The following SLC7A8 variants were observed in gnomAD, a reference collection of about 807,000 sequenced individuals.
SLC7A8 encodes large neutral amino acids transporter small subunit 2.
In SLC7A8, 30 loss-of-function variants were observed where a neutral mutation model predicts 51.2. The observed-to-expected ratio is 0.59, with a 90% CI of 0.44 to 0.80. SLC7A8 has a LOEUF of 0.80. Ranked by LOEUF, SLC7A8 falls within the 30% of genes least tolerant of loss-of-function variation. The pLI is 0.00. For synonymous variants in SLC7A8, 257 were observed against 275.8 expected (o/e 0.93, Z 0.67); for missense variants, 612 against 674.4 (o/e 0.91, Z 1.03).
chr14:23,167,200 G>A (rs1300506285), intron 1 of SLC7A8, among the ~76,000 whole-genome samples: 1 of 152,138 alleles, frequency 6.6e-6, no homozygotes, highest in Non-Finnish European at 1.5e-5. Context: ...CAGTCCTAGT[G>A]GTTTAGAAGT....
chr14:23,131,520 T>C lies in SLC7A8; in HGVS notation c.1054A>G (p.Ser352Gly). The change falls in exon 8 of 11, where the codon AGT becomes GGT. Residue 352 changes from serine to glycine, a missense_variant. By Grantham distance (56) the Ser-to-Gly change is moderately conservative (BLOSUM62 0). Coordinates refer to ENST00000316902, the MANE Select transcript of SLC7A8 (RefSeq NM_012244.4). ...TTCACGTGGATCATGGCCAACACAC[T>C]GGGAAGGTGGCCCTCTCGGGCTCCA... ...FAGAREGHLPSVLAMIHVKRC... is the reference protein window; with the variant it reads ...FAGAREGHLPGVLAMIHVKRC... 2 of 1,608,106 alleles carry C rather than the reference T, an allele frequency of 1.2e-6. No individual in the cohort carries two copies. Among genetic ancestry groups the C allele is most frequent in the South Asian group, 1.1e-5 (1 of 90,282 alleles).
At chr14:23,131,889 T>C (rs1254203336) in intron 7 of SLC7A8, among the ~76,000 whole-genome samples, 1 of 152,220 alleles carries the variant, frequency 6.6e-6, no homozygotes, top group Non-Finnish European at 1.5e-5. Flanking sequence ...AGCCTCTGTC[T>C]GTTGCCTAAA....
At chr14:23,135,473 C>T (rs948664421) in intron 7 of SLC7A8, among the ~76,000 whole-genome samples, 3 of 150,574 alleles carry the variant, frequency 2.0e-5, no homozygotes, top group East Asian at 2.0e-4. Context: ...GAGGCTGAGG[C>T]GGGCGGATCA....
In SLC7A8 at chr14:23,143,276, A is replaced by G. The variant is rs1006235163; in HGVS notation, c.509-72T>C. ...TGCATGATGCCCAAGGCACACAAGC[A>G]GAACTGCTCCCTCATCCTGACGATG... On this transcript the variant is annotated intron_variant, in intron 3 of 10. Coordinates refer to ENST00000316902, the MANE Select transcript of SLC7A8 (RefSeq NM_012244.4). The G allele has an allele frequency of 6.3e-6, 10 of 1,591,120 alleles. No homozygotes were observed. In the Admixed American group the frequency reaches 1.7e-4, roughly 27 times the overall value.
At chr14:23,154,425 G>C in intron 3 of SLC7A8, 1 of 991,236 alleles carries the variant, frequency 1.0e-6, no homozygotes, top group South Asian at 4.7e-5. Flanking sequence ...GGGAAGCCGG[G>C]CCTGTGGGGG....
chr14:23,129,846 G>A (rs1566354498), intron 8 of SLC7A8, 47 bp from the exon 9 acceptor site: 1 of 1,606,628 alleles, frequency 6.2e-7, no homozygotes, highest in Non-Finnish European at 8.5e-7. Flanking sequence ...GATATTCAGA[G>A]ACTGGTATTA....
In SLC7A8 at chr14:23,136,180, C is replaced by T. The variant is rs8023105; in HGVS notation, c.1016+1741G>A. 8.5e-3 allele frequency among the ~76,000 whole-genome samples: 1,294 copies of T among 152,198 alleles called. 24 individuals are homozygous for T. The highest frequency in any genetic ancestry group is 0.03 in the African/African-American group (1,236 of 41,526). Reference sequence around the variant, plus strand: ...CAGAAGTGTGGGAGCTGACTGTATCCCCAAGTACCCATAAGCAGTAACCAT... The same window carrying T: ...CAGAAGTGTGGGAGCTGACTGTATCTCCAAGTACCCATAAGCAGTAACCAT... On this transcript the variant is annotated intron_variant, in intron 7 of 10. Coordinates refer to ENST00000316902, the MANE Select transcript of SLC7A8 (RefSeq NM_012244.4).
intron 1 of SLC7A8, among the ~76,000 whole-genome samples, chr14:23,171,968 T>C (rs1314787880): frequency 6.6e-6 from 1 of 152,210 alleles, no homozygotes; most frequent in African/African-American, 2.4e-5. Context: ...GGATTTCTTA[T>C]TGAAAGCATG....
rs2048582170 is a variant in SLC7A8 at position 23,126,914 on chromosome 14, ATCTCCCC to A, written c.*256_*262del. 5.9e-6 allele frequency: 3 copies of A among 510,166 alleles called. No homozygotes were observed. Among genetic ancestry groups the A allele is most frequent in the Non-Finnish European group, 1.1e-5 (3 of 283,982 alleles). The allele number at this position is 510,166 out of a possible 1,614,324, so 31.6% of individuals were successfully genotyped here. ...GGGAGGTCCTGCAGGGCACCTTGGC[ATCTCCCC>A]TCTCCTCCAGCAGCTGGGAGTGTGG... On this transcript the variant is annotated 3_prime_UTR_variant, in exon 11 of 11. Coordinates refer to ENST00000316902, the MANE Select transcript of SLC7A8 (RefSeq NM_012244.4).
At chr14:23,179,827 A>G (rs1252136278) in intron 1 of SLC7A8, among the ~76,000 whole-genome samples, 1 of 152,128 alleles carries the variant, frequency 6.6e-6, no homozygotes. Flanking sequence ...AAAGAAAGAA[A>G]GAAAGAAAGA....
chr14:23,182,743 G>C (rs1877236607), intron 1 of SLC7A8, 21 bp downstream of exon 1: 1 of 1,525,232 alleles, frequency 6.6e-7, no homozygotes, highest in Non-Finnish European at 8.8e-7. Flanking sequence ...GGAGGGGTCC[G>C]CGGGAAGGAA....
Position 23,166,460 on chromosome 14 carries a change from C to A in SLC7A8, c.232G>T (p.Val78Phe). 3 of 1,614,174 alleles carry A rather than the reference C, an allele frequency of 1.9e-6. No homozygotes were observed. Among genetic ancestry groups the A allele is most frequent in the Non-Finnish European group, 2.5e-6 (3 of 1,180,038 alleles). The change falls in exon 2 of 11, where the codon GTC (valine) becomes TTC (phenylalanine). Residue 78 changes from valine to phenylalanine, a missense_variant. Transcript: ENST00000316902. Reference sequence around the variant, plus strand: ...GTGATGAAGCCCGTCACAATCCAGACGATGAGAGCAAGGCCCACAGAACCA... The same window carrying A: ...GTGATGAAGCCCGTCACAATCCAGAAGATGAGAGCAAGGCCCACAGAACCA... ...NAGSVGLALI[V>F]WIVTGFITVV...
chr14:23,159,349 T>C (rs761095559), intron 3 of SLC7A8, among the ~76,000 whole-genome samples: 1 of 152,258 alleles, frequency 6.6e-6, no homozygotes, highest in Non-Finnish European at 1.5e-5. Context: ...TCAATACATT[T>C]AGATTTTAAA....
At chr14:23,164,953 C>T (rs1338132200) in intron 3 of SLC7A8, among the ~76,000 whole-genome samples, 1 of 151,512 alleles carries the variant, frequency 6.6e-6, no homozygotes, top group African/African-American at 2.4e-5. Flanking sequence ...GATCACGCCA[C>T]TGCACTCCAG....
chr14:23,155,656 C>T (rs1408185332), intron 3 of SLC7A8, among the ~76,000 whole-genome samples: 2 of 152,052 alleles, frequency 1.3e-5, no homozygotes, highest in African/African-American at 4.8e-5. Flanking sequence ...CTACTCATTA[C>T]TTTTTCAGCC....
Position 23,155,076 on chromosome 14 carries a change from A to G in SLC7A8, c.508+10209T>C, listed in dbSNP as rs2048881624. 6 of 1,159,810 alleles carry G rather than the reference A, an allele frequency of 5.2e-6. No individual in the cohort carries two copies. The South Asian group carries it at 6.9e-5, about 13-fold the overall frequency. 71.8% of individuals were successfully genotyped at this position (1,159,810 alleles called of 1,614,324 possible). On this transcript the variant is annotated intron_variant, in intron 3 of 10. Coordinates refer to ENST00000316902, the MANE Select transcript of SLC7A8 (RefSeq NM_012244.4). ...TGATCCCAGCTTCTATAAAGTGCACAGTGGGGAGTGTGGTTTTGAAACAGA... is the reference window on the plus strand; with the variant it reads ...TGATCCCAGCTTCTATAAAGTGCACGGTGGGGAGTGTGGTTTTGAAACAGA...
rs60162914 is a variant in SLC7A8, at chr14:23,183,137, TAAAAAAAAAAA to T, written c.-234_-224del. The T allele has an allele frequency of 8.8e-5, 8 of 91,090 alleles. No individual in the cohort carries two copies. Among genetic ancestry groups the T allele is most frequent in the Admixed American group, 5.1e-4 (4 of 7,898 alleles). 5.6% of individuals were successfully genotyped at this position (91,090 alleles called of 1,614,324 possible). A position where few individuals can be genotyped will look rare whatever the true frequency, so the allele number is the denominator to read the frequency against. ...CGTTTACAAACAAGAAAAGTGTTGCTAAAAAAAAAAAAAAAAAAAAAGGCCAGGGGAGACAT... is the reference window on the plus strand; with the variant it reads ...CGTTTACAAACAAGAAAAGTGTTGCTAAAAAAAAAAGGCCAGGGGAGACAT... On this transcript the variant is annotated 5_prime_UTR_variant, in exon 1 of 11. An upstream open reading frame in the 5' UTR loses its in-frame stop. Transcript: ENST00000316902.
chr14:23,155,247 C>T (rs773127904), intron 3 of SLC7A8: 1 of 1,536,124 alleles, frequency 6.5e-7, no homozygotes, highest in South Asian at 1.2e-5. Context: ...CTTCCAAGGA[C>T]ACACCAGCAG....
chr14:23,140,693 C>G, intron 4 of SLC7A8, 69 bp from the exon 5 acceptor site: 1 of 1,514,644 alleles, frequency 6.6e-7, no homozygotes, highest in Non-Finnish European at 9.0e-7. Flanking sequence ...CTGGCCTGCC[C>G]TGGCCCACCT....
Sources: allele counts gnomAD v4.1 joint callset (sites outside exome capture counted in the v4.1 genomes callset), GRCh38; gene constraint gnomAD v4.1.1; transcripts MANE v1.5; gene names NCBI Gene and HGNC (gene_info 2026-07-23, HGNC 2026-07-21).